CSMD1: variants seen among roughly 807,000 people sequenced by gnomAD.
The protein encoded by CSMD1 is CUB and Sushi multiple domains 1, also known as CUB and sushi domain-containing protein 1.
CSMD1 carries 213 observed loss-of-function variants against 417.5 expected under a neutral mutation model. The ratio of observed to expected loss-of-function variants is 0.51; its 90% confidence interval spans 0.46 to 0.57. The LOEUF is 0.57. Ranked by LOEUF, CSMD1 falls within the 20% of genes least tolerant of loss-of-function variation. The pLI is 0.00. For missense variants in CSMD1, 6,923 were observed against 4,529.7 expected, an observed-to-expected ratio of 1.53 and a Z score of -15.17; for synonymous variants, 2,862 against 1,736.8, an observed-to-expected ratio of 1.65 and a Z score of -16.11.
chr8:4,642,055 C>T (rs1242090122), intron 1 of CSMD1, among the ~76,000 whole-genome samples: 4 of 152,152 alleles, frequency 2.6e-5, no homozygotes, highest in South Asian at 2.1e-4. Context: ...TAAGAACTGA[C>T]CTACGAAGTG....
At chr8:3,266,806 C>G (rs1801464485) in intron 26 of CSMD1, among the ~76,000 whole-genome samples, 1 of 150,356 alleles carries the variant, frequency 6.7e-6, no homozygotes, top group Non-Finnish European at 1.5e-5. Flanking sequence ...AAAAGGACCA[C>G]CCTCAGATGA....
chr8:4,659,667 T>C (rs1423459126), intron 1 of CSMD1, among the ~76,000 whole-genome samples: 6 of 152,172 alleles, frequency 3.9e-5, no homozygotes, highest in Non-Finnish European at 7.4e-5. Flanking sequence ...GACTGTTTAA[T>C]GAGTATGGGG....
chr8:4,812,234 G>C (rs549931829), intron 1 of CSMD1, among the ~76,000 whole-genome samples: 43 of 152,156 alleles, frequency 2.8e-4, no homozygotes, highest in South Asian at 1.9e-3. Flanking sequence ...GACACAACCA[G>C]TCGAAGTCTG....
chr8:3,123,312 A>G (rs1406054613), intron 41 of CSMD1, among the ~76,000 whole-genome samples: 1 of 152,114 alleles, frequency 6.6e-6, no homozygotes, highest in Non-Finnish European at 1.5e-5. Flanking sequence ...GTCCACAAAA[A>G]CAGCCTTTTC....
chr8:4,156,888 T>C (rs1796864986), intron 3 of CSMD1, among the ~76,000 whole-genome samples: 1 of 152,186 alleles, frequency 6.6e-6, no homozygotes, highest in Admixed American at 6.5e-5. Flanking sequence ...ATACATAAAA[T>C]GGAGTGCATT....
At chr8:3,259,426 GTGAA>G (rs35622979) in intron 26 of CSMD1, among the ~76,000 whole-genome samples, 2 of 151,398 alleles carry the variant, frequency 1.3e-5, no homozygotes, top group Admixed American at 6.6e-5. Context: ...GAATGAATGA[GTGAA>G]TGAATGAATG....
chr8:3,996,497 A>C (rs1012344814), intron 5 of CSMD1, among the ~76,000 whole-genome samples: 1 of 152,168 alleles, frequency 6.6e-6, no homozygotes, highest in African/African-American at 2.4e-5. Context: ...CTGAAGTCAT[A>C]AGGATTTGCT....
chr8:3,361,806 T>A (rs1452729038), intron 20 of CSMD1, among the ~76,000 whole-genome samples: 2 of 152,180 alleles, frequency 1.3e-5, no homozygotes, highest in Non-Finnish European at 2.9e-5. Context: ...TATTGTAGTT[T>A]ATACAATATC....
At chr8:4,350,007 T>G (rs1366398148) in intron 3 of CSMD1, among the ~76,000 whole-genome samples, 1 of 152,140 alleles carries the variant, frequency 6.6e-6, no homozygotes, top group Non-Finnish European at 1.5e-5. Context: ...CCCTGAGCCC[T>G]GGAATCTTGT....
At chr8:4,354,717 T>G (rs1275190505) in intron 3 of CSMD1, among the ~76,000 whole-genome samples, 4 of 152,132 alleles carry the variant, frequency 2.6e-5, no homozygotes, top group Non-Finnish European at 5.9e-5. Context: ...TTGAAACACT[T>G]GTATTTATAA....
intron 5 of CSMD1, among the ~76,000 whole-genome samples, chr8:3,812,996 T>A (rs1801168156): frequency 6.6e-6 from 1 of 152,114 alleles, no homozygotes; most frequent in Admixed American, 6.6e-5. Context: ...AATCTGGAAT[T>A]AACTCTTAGA....
chr8:3,336,285 G>A (rs1227740302), intron 23 of CSMD1, among the ~76,000 whole-genome samples: 1 of 152,064 alleles, frequency 6.6e-6, no homozygotes, highest in Non-Finnish European at 1.5e-5. Flanking sequence ...TGTTTCCAAG[G>A]CCCCTGAACC....
At chr8:3,797,564 T>C (rs1800229698) in intron 5 of CSMD1, among the ~76,000 whole-genome samples, 1 of 151,954 alleles carries the variant, frequency 6.6e-6, no homozygotes, top group Non-Finnish European at 1.5e-5. Context: ...TCTCACAATA[T>C]AATATTTTCA....
chr8:3,234,502 A>T (rs1799035517), intron 26 of CSMD1, among the ~76,000 whole-genome samples: 2 of 151,462 alleles, frequency 1.3e-5, no homozygotes, highest in South Asian at 4.2e-4. Context: ...TCTAGAAGAG[A>T]GTGCTTGGGT....
At chr8:4,431,174 T>G (rs1294631367) in intron 2 of CSMD1, among the ~76,000 whole-genome samples, 1 of 151,704 alleles carries the variant, frequency 6.6e-6, no homozygotes, top group African/African-American at 2.4e-5. Context: ...GGGAGGGGAG[T>G]AGGTAGTGAC....
chr8:3,703,857 G>C lies in CSMD1; in HGVS notation c.1009+4557C>G, dbSNP rs535734729. On this transcript the variant is annotated intron_variant, in intron 7 of 69. Transcript: ENST00000635120. ...AGGCCAAGGCAGGAAGATCACCTGA[G>C]GTCAGGAGTTTGAGACCAGCCTGGC... Among the ~76,000 whole-genome samples, 5 of 152,230 alleles carry C rather than the reference G, an allele frequency of 3.3e-5. No individual in the cohort carries two copies. The East Asian group carries it at 5.8e-4, about 18-fold the overall frequency.
intron 3 of CSMD1, among the ~76,000 whole-genome samples, chr8:4,412,760 T>C (rs1311129938): frequency 6.6e-6 from 1 of 152,226 alleles, no homozygotes; most frequent in Admixed American, 6.5e-5. Context: ...TTAGACTACT[T>C]ACATTGATAC....
intron 9 of CSMD1, among the ~76,000 whole-genome samples, chr8:3,585,309 A>G (rs559969227): frequency 6.6e-6 from 1 of 152,324 alleles, no homozygotes; most frequent in East Asian, 1.9e-4. Flanking sequence ...AAGTCCATTC[A>G]CGTGAAAAGA....
intron 3 of CSMD1, among the ~76,000 whole-genome samples, chr8:4,212,884 A>T (rs1465551731): frequency 1.3e-5 from 2 of 151,384 alleles, no homozygotes; most frequent in Non-Finnish European, 2.9e-5. Context: ...TGAGGACAAC[A>T]GTTTAGAGGC....
Sources: gnomAD v4.1 joint callset for allele counts (sites outside exome capture counted in the v4.1 genomes callset) on GRCh38, gnomAD v4.1.1 for gene constraint, MANE v1.5 for transcripts, NCBI Gene and HGNC (gene_info 2026-07-23, HGNC 2026-07-21) for gene names.